NUCKS1: variants seen among roughly 807,000 people sequenced by gnomAD.
NUCKS1 encodes nuclear casein kinase and cyclin dependent kinase substrate 1, also known as nuclear ubiquitous casein and cyclin-dependent kinase substrate 1.
Under a neutral mutation model 33.0 loss-of-function variants are expected in NUCKS1, and 2 were observed. That is an observed-to-expected ratio of 0.06 (90% CI 0.02 to 0.19). The LOEUF (loss-of-function observed/expected upper bound fraction) is 0.19. Among genes scored for constraint, NUCKS1 ranks in the 10% least tolerant of loss-of-function variants. NUCKS1 has a pLI of 1.00. For missense variants in NUCKS1, 201 were observed against 293.6 expected, an observed-to-expected ratio of 0.68 and a Z score of 2.31; for synonymous variants, 106 against 102.8, an observed-to-expected ratio of 1.03 and a Z score of -0.19.
At position 205,714,448 on chromosome 1, in the gene NUCKS1, C is replaced by T. The variant is rs1159080993; in HGVS notation, c.*3832G>A. ...CAACAGGCAGGTTTACGGGATGTTT[C>T]CCAATAGTGGTTATTACACAGTCAG... On this transcript the variant is annotated 3_prime_UTR_variant, in exon 7 of 7. Coordinates refer to ENST00000367142, the MANE Select transcript of NUCKS1 (RefSeq NM_022731.5). 1 of 151,530 alleles carries T rather than the reference C, an allele frequency of 6.6e-6. No individual in the cohort carries two copies. Among genetic ancestry groups the T allele is most frequent in the African/African-American group, 2.4e-5 (1 of 41,274 alleles). The allele number at this position is 151,530 out of a possible 1,614,324, so 9.4% of individuals were successfully genotyped here.
intron 1 of NUCKS1, among the ~76,000 whole-genome samples, chr1:205,731,887 C>G (rs886919899): frequency 2.0e-5 from 3 of 147,448 alleles, no homozygotes; most frequent in Admixed American, 1.4e-4. Context: ...AAGAGAGAGA[C>G]TCCGTCTCAA....
intron 4 of NUCKS1, among the ~76,000 whole-genome samples, chr1:205,721,505 T>C (rs1401720782): frequency 6.6e-6 from 1 of 152,204 alleles, no homozygotes; most frequent in African/African-American, 2.4e-5. Flanking sequence ...TCACTGTTTT[T>C]GAAAGCTAAA....
intron 1 of NUCKS1, among the ~76,000 whole-genome samples, chr1:205,731,035 A>G (rs1220175894): frequency 6.6e-6 from 1 of 152,236 alleles, no homozygotes; most frequent in African/African-American, 2.4e-5. Context: ...TTACATTATA[A>G]TGCACAAAAA....
chr1:205,729,510 T>A, intron 2 of NUCKS1, 62 bp downstream of exon 2: 1 of 1,065,926 alleles, frequency 9.4e-7, no homozygotes, highest in Non-Finnish European at 1.5e-6. Flanking sequence ...AATAAAACTA[T>A]ATAAGCTGGT....
At position 205,717,616 on chromosome 1, in the gene NUCKS1, C is replaced by T. The variant is rs778681707; in HGVS notation, c.*664G>A. The stretch of plus-strand genomic sequence containing the variant: ...GAAAGCCCATACCCTCAAATAAGGT[C>T]AGGTAACCCCATTGCCCACCCTCCC... On this transcript the variant is annotated 3_prime_UTR_variant, in exon 7 of 7. Coordinates refer to ENST00000367142, the MANE Select transcript of NUCKS1 (RefSeq NM_022731.5). 58 of 984,966 alleles carry T rather than the reference C, an allele frequency of 5.9e-5. No homozygotes were observed. Among genetic ancestry groups the T allele is most frequent in the Non-Finnish European group, 6.6e-5 (55 of 829,952 alleles). The allele number at this position is 984,966 out of a possible 1,614,324, so 61.0% of individuals were successfully genotyped here. A position where few individuals can be genotyped will look rare whatever the true frequency, so the allele number is the denominator to read the frequency against.
Position 205,717,463 on chromosome 1 carries a change from G to A in NUCKS1, c.*817C>T. 3 of 981,844 alleles carry A rather than the reference G, an allele frequency of 3.1e-6. No homozygotes were observed. Among genetic ancestry groups the A allele is most frequent in the Non-Finnish European group, 3.6e-6 (3 of 828,360 alleles). 60.8% of individuals were successfully genotyped at this position (981,844 alleles called of 1,614,324 possible). On this transcript the variant is annotated 3_prime_UTR_variant, in exon 7 of 7. Transcript: ENST00000367142. ...CAGGATACATATATATTTAGAGAAG[G>A]AAATATGAAATCAAGAGTTTTGGCA...
At chr1:205,746,436 TTCTCTCTCTC>T (rs10539047) in intron 1 of NUCKS1, among the ~76,000 whole-genome samples, 8,627 of 146,316 alleles carry the variant, frequency 0.059, 281 homozygotes, top group Non-Finnish European at 0.066. Flanking sequence ...ATAAACTCAC[TTCTCTCTCTC>T]TCTCTCTCAC....
chr1:205,749,085 G>A (rs1483849494), intron 1 of NUCKS1, among the ~76,000 whole-genome samples: 5 of 152,174 alleles, frequency 3.3e-5, no homozygotes, highest in Non-Finnish European at 5.9e-5. Context: ...AAGTCACTCG[G>A]GGACAAGAGG....
chr1:205,736,516 A>G (rs1157739025), intron 1 of NUCKS1, among the ~76,000 whole-genome samples: 2 of 151,972 alleles, frequency 1.3e-5, no homozygotes, highest in Non-Finnish European at 2.9e-5. Context: ...TCTCCAAGGC[A>G]GCCTATGCTA....
intron 1 of NUCKS1, among the ~76,000 whole-genome samples, chr1:205,737,423 T>C (rs558788500): frequency 1.3e-5 from 2 of 152,318 alleles, no homozygotes; most frequent in African/African-American, 4.8e-5. Context: ...ATCTATATCA[T>C]TAATTAGAAG....
intron 1 of NUCKS1, among the ~76,000 whole-genome samples, chr1:205,738,941 T>TGTTTAA (rs1337749833): frequency 1.3e-5 from 2 of 152,142 alleles, no homozygotes; most frequent in Non-Finnish European, 2.9e-5. Context: ...TTAAATCAAA[T>TGTTTAA]GTTTAAGACA....
rs138181012 is a variant in NUCKS1, at chr1:205,731,834, G to A, written c.18-2213C>T. ...TTGAACCCGGGAGGCAGAGCTCGCA[G>A]TGAGTGAGCCAACATCACGCCACTG... On this transcript the variant is annotated intron_variant, in intron 1 of 6. Coordinates refer to ENST00000367142, the MANE Select transcript of NUCKS1 (RefSeq NM_022731.5). 7.4e-3 allele frequency among the ~76,000 whole-genome samples: 1,123 copies of A among 151,682 alleles called. 11 individuals carry two copies. The highest frequency in any genetic ancestry group is 0.026 in the African/African-American group (1,075 of 41,350).
rs531528993 is a variant in NUCKS1 at position 205,725,508 on chromosome 1, T to G, written c.174-1527A>C. ...TTCTGAAACCTGTGACTGTTCTGTATAAATGTTTTTTATGCAAAATAAGCA... is the reference window on the plus strand; with the variant it reads ...TTCTGAAACCTGTGACTGTTCTGTAGAAATGTTTTTTATGCAAAATAAGCA... On this transcript the variant is annotated intron_variant, in intron 3 of 6. Coordinates refer to ENST00000367142, the MANE Select transcript of NUCKS1 (RefSeq NM_022731.5). Among the ~76,000 whole-genome samples, 66 of 152,314 alleles carry G rather than the reference T, an allele frequency of 4.3e-4. 1 individual carries two copies. Among genetic ancestry groups the G allele is most frequent in the African/African-American group, 1.6e-3 (65 of 41,570 alleles).
intron 1 of NUCKS1, among the ~76,000 whole-genome samples, chr1:205,733,239 C>T (rs1424086487): frequency 1.3e-5 from 2 of 152,062 alleles, no homozygotes; most frequent in Non-Finnish European, 2.9e-5. Flanking sequence ...GAATGGTAAA[C>T]GGTATATCAT....
intron 1 of NUCKS1, 54 bp downstream of exon 1, chr1:205,749,902 AC>A (rs1229399377): frequency 1.2e-5 from 19 of 1,557,430 alleles, no homozygotes; most frequent in Admixed American, 1.7e-5. Context: ...CACTCTTTTC[AC>A]CACTCGCCCC....
intron 1 of NUCKS1, among the ~76,000 whole-genome samples, chr1:205,746,490 A>C (rs12090178): frequency 0.025 from 1,667 of 67,596 alleles, 38 homozygotes; most frequent in East Asian, 0.12. Flanking sequence ...CACACACACT[A>C]GAGAATAAGA....
Position 205,716,093 on chromosome 1 carries a change from C to G in NUCKS1, c.*2187G>C, listed in dbSNP as rs911452951. On this transcript the variant is annotated 3_prime_UTR_variant, in exon 7 of 7. Transcript: ENST00000367142. ...TCTAATGAATTAATTTTAAAAGGGA[C>G]CCTAAACAAGAAGCCCAATCAAATG... is the stretch of plus-strand genomic sequence containing the variant. 2.6e-5 allele frequency: 4 copies of G among 152,064 alleles called. No individual in the cohort carries two copies. The highest frequency in any genetic ancestry group is 4.4e-5 in the Non-Finnish European group (3 of 68,008). The allele number at this position is 152,064 out of a possible 1,614,324, so 9.4% of individuals were successfully genotyped here. A position where few individuals can be genotyped will look rare whatever the true frequency, so the allele number is the denominator to read the frequency against.
chr1:205,720,490 A>C lies in NUCKS1; in HGVS notation c.382+11T>G, dbSNP rs775909891. The stretch of plus-strand genomic sequence containing the variant: ...CCAAACAACCAAAGTACACAAAACA[A>C]CTTCACATACTCTCCTGGAATGGTG... On this transcript the variant is annotated intron_variant, in intron 5 of 6. Transcript: ENST00000367142. The C allele has an allele frequency of 6.2e-7, 1 of 1,604,352 alleles. No homozygotes were observed. The highest frequency in any genetic ancestry group is 1.3e-5 in the African/African-American group (1 of 74,332).
At chr1:205,747,775 G>T (rs755589999) in intron 1 of NUCKS1, among the ~76,000 whole-genome samples, 1 of 152,088 alleles carries the variant, frequency 6.6e-6, no homozygotes, top group Non-Finnish European at 1.5e-5. Context: ...TGCACTAAGG[G>T]AATATAGATT....
Sources: gnomAD v4.1 joint callset for allele counts (sites outside exome capture counted in the v4.1 genomes callset) on GRCh38, gnomAD v4.1.1 for gene constraint, MANE v1.5 for transcripts, NCBI Gene and HGNC (gene_info 2026-07-23, HGNC 2026-07-21) for gene names.